Variants in CHI3L1 observed in about 807,000 individuals in gnomAD.
CHI3L1 encodes the protein chitinase-3-like protein 1.
A neutral mutation model predicts 40.7 loss-of-function variants in CHI3L1; 30 were observed. The observed-to-expected ratio is 0.74, with a 90% confidence interval of 0.55 to 1.00. The LOEUF (loss-of-function observed/expected upper bound fraction) is 1.00. Ranked by LOEUF, CHI3L1 falls within the 50% of genes least tolerant of loss-of-function variation. The probability of loss-of-function intolerance (pLI) is 0.00; values close to 1 mark genes in which losing one functional copy is unlikely to be tolerated. For synonymous variants in CHI3L1, 210 were observed against 192.1 expected (o/e 1.09, Z -0.77); for missense variants, 493 against 492.2 (o/e 1.00, Z -0.01).
rs1456023879 is a variant in CHI3L1, at chr1:203,180,553, C to T, written c.811G>A (p.Glu271Lys). Residue 271 changes from glutamate to lysine, a missense_variant, in exon 8 of 10, where the codon GAG becomes AAG. Glu to Lys is a moderately conservative substitution (Grantham distance 56). Coordinates refer to ENST00000255409, the MANE Select transcript of CHI3L1 (RefSeq NM_001276.4). ...GAGATTGGGGCTCCAACACCAGTCT[C>T]AGAAGAAGCCAGAGTGAAGCTCCTC... is the stretch of plus-strand genomic sequence containing the variant. ...FGRSFTLASS[E>K]TGVGAPISGP... 1.2e-6 allele frequency: 2 copies of T among 1,610,552 alleles called. No homozygotes were observed. The highest frequency in any genetic ancestry group is 3.4e-5 in the Admixed American group (2 of 59,082).
At chr1:203,181,621 G>A (rs1558148247) in intron 6 of CHI3L1, 1 of 193,118 alleles carries the variant, frequency 5.2e-6, no homozygotes, top group Non-Finnish European at 1.1e-5. Flanking sequence ...AAGTAAGAAA[G>A]AAAAGCTTTT....
At position 203,179,740 on chromosome 1, in the gene CHI3L1, T is replaced by C. The variant is rs141727518; in HGVS notation, c.1011+21A>G. 1,251 of 1,614,142 alleles carry C rather than the reference T, an allele frequency of 7.8e-4. 7 individuals carry two copies. The African/African-American group carries it at 0.015, about 19-fold the overall frequency. ...CTCCTTCTTTCTCTTTGTCCTGAGG[T>C]GTGGCCTTGGGGAAACCTACCTTGC... is the stretch of plus-strand genomic sequence containing the variant. On this transcript the variant is annotated intron_variant, in intron 9 of 9. Coordinates refer to ENST00000255409, the MANE Select transcript of CHI3L1 (RefSeq NM_001276.4).
intron 5 of CHI3L1, among the ~76,000 whole-genome samples, chr1:203,183,177 T>G (rs1411363406): frequency 6.6e-6 from 1 of 152,202 alleles, no homozygotes; most frequent in Admixed American, 6.5e-5. Context: ...CGGTCTGTGC[T>G]TTGTTCTAGC....
rs771065423 is a variant in CHI3L1 at position 203,179,407 on chromosome 1, G to T, written c.*38C>A. 1.3e-6 allele frequency: 2 copies of T among 1,502,408 alleles called. No individual in the cohort carries two copies. Among genetic ancestry groups the T allele is most frequent in the Non-Finnish European group, 1.8e-6 (2 of 1,121,794 alleles). 93.1% of individuals were successfully genotyped at this position (1,502,408 alleles called of 1,614,324 possible). A position where few individuals can be genotyped will look rare whatever the true frequency, so the allele number is the denominator to read the frequency against. ...GCCAGCTGGAGCCAGAGGGGGACGGGGCATCCTTGGCCCCCGTGCTGTGTG... is the reference window on the plus strand; with the variant it reads ...GCCAGCTGGAGCCAGAGGGGGACGGTGCATCCTTGGCCCCCGTGCTGTGTG... On this transcript the variant is annotated 3_prime_UTR_variant, in exon 10 of 10. Coordinates refer to ENST00000255409, the MANE Select transcript of CHI3L1 (RefSeq NM_001276.4).
chr1:203,180,215 T>C lies in CHI3L1; in HGVS notation c.894+255A>G. ...TCTTGACCTCTGCTCTTTCCTGGGC[T>C]GGAAGGAAGACCTCAGCCCCATAGC... On this transcript the variant is annotated intron_variant, in intron 8 of 9. Transcript: ENST00000255409. The C allele has an allele frequency of 5.3e-6, 3 of 565,326 alleles. No homozygotes were observed. In the East Asian group the frequency reaches 8.9e-5, roughly 17 times the overall value. 35.0% of individuals were successfully genotyped at this position (565,326 alleles called of 1,614,324 possible).
chr1:203,183,797 A>T lies in CHI3L1; in HGVS notation c.315-6T>A, dbSNP rs1201207370. ...TGGAGGCTATCTTGGAAAATCTAGGACCAAAATCAGCCCTGTAGCATGCTC... is the reference window on the plus strand; with the variant it reads ...TGGAGGCTATCTTGGAAAATCTAGGTCCAAAATCAGCCCTGTAGCATGCTC... On this transcript the variant is annotated splice_polypyrimidine_tract_variant and splice_region_variant and intron_variant, in intron 4 of 9. Coordinates refer to ENST00000255409, the MANE Select transcript of CHI3L1 (RefSeq NM_001276.4). The T allele has an allele frequency of 2.5e-6, 4 of 1,614,072 alleles. No individual in the cohort carries two copies. In the South Asian group the frequency reaches 4.4e-5, roughly 18 times the overall value.
intron 8 of CHI3L1, chr1:203,180,220 G>A (rs1571826603): frequency 1.8e-6 from 1 of 567,046 alleles, no homozygotes; most frequent in Non-Finnish European, 3.1e-6. Flanking sequence ...TGGGCTGGAA[G>A]GAAGACCTCA....
At chr1:203,180,361 A>G in intron 8 of CHI3L1, 109 bp downstream of exon 8, 1 of 1,052,678 alleles carries the variant, frequency 9.5e-7, no homozygotes, top group Non-Finnish European at 1.4e-6. Context: ...GGGCAACCGG[A>G]CATTTTCTTT....
In CHI3L1 at chr1:203,186,337, C is replaced by A; in HGVS notation, c.34G>T (p.Val12Phe). 6.3e-7 allele frequency: 1 copy of A among 1,592,702 alleles called. No homozygotes were observed. Among genetic ancestry groups the A allele is most frequent in the Admixed American group, 1.7e-5 (1 of 57,736 alleles). The change falls in exon 2 of 10, where the codon GTC becomes TTC. Residue 12 changes from valine to phenylalanine, a missense_variant. Val to Phe is a conservative substitution (Grantham distance 50). Coordinates refer to ENST00000255409, the MANE Select transcript of CHI3L1 (RefSeq NM_001276.4). The part of the protein sequence containing the change: ...GVKASQTGFV[V>F]LVLLQCCSAY... ...TCACAGCACTGGAGCAGCACCAGGA[C>A]CACAAAGCCTGAAGAGAAATCCAGG...
intron 3 of CHI3L1, 84 bp downstream of exon 3, chr1:203,185,100 C>T: frequency 8.7e-7 from 1 of 1,145,608 alleles, no homozygotes; most frequent in Non-Finnish European, 1.3e-6. Flanking sequence ...CAGGGTGGGG[C>T]CTCGCCCTTC....
rs759974987 is a variant in CHI3L1, at chr1:203,181,173, A to G, written c.700T>C (p.Phe234Leu). 6.2e-7 allele frequency: 1 copy of G among 1,614,032 alleles called. No homozygotes were observed. The highest frequency in any genetic ancestry group is 8.5e-7 in the Non-Finnish European group (1 of 1,179,946). ...TTCTGGGAACTCACAGTGTTGCTGAATCTGTCAGGACTTGCATCCTCCTGA... is the reference window on the plus strand; with the variant it reads ...TTCTGGGAACTCACAGTGTTGCTGAGTCTGTCAGGACTTGCATCCTCCTGA... ...RGQEDASPDR[F>L]SNTDYAVGYM... Residue 234 changes from phenylalanine to leucine, a missense_variant, in exon 7 of 10, where the codon TTC becomes CTC. Phe to Leu is a conservative substitution (Grantham distance 22, BLOSUM62 0). Transcript: ENST00000255409.
chr1:203,181,379 T>C (rs773137311), intron 6 of CHI3L1, 94 bp from the exon 7 acceptor site: 22 of 1,411,268 alleles, frequency 1.6e-5, no homozygotes, highest in Admixed American at 5.9e-5. Context: ...TCCCAGCACT[T>C]TGGGAGGCCG....
chr1:203,179,645 C>T, intron 9 of CHI3L1, 60 bp from the exon 10 acceptor site: 3 of 1,613,862 alleles, frequency 1.9e-6, no homozygotes, highest in Middle Eastern at 1.7e-4. Flanking sequence ...GTGTACAGGG[C>T]ACATGTGCTC....
chr1:203,185,669 T>A (rs2102211697), intron 2 of CHI3L1, among the ~76,000 whole-genome samples: 1 of 152,242 alleles, frequency 6.6e-6, no homozygotes, highest in African/African-American at 2.4e-5. Flanking sequence ...GGGTAGGAGC[T>A]GGGGAATAAG....
intron 3 of CHI3L1, 69 bp from the exon 4 acceptor site, chr1:203,184,701 G>T: frequency 7.3e-7 from 1 of 1,366,212 alleles, no homozygotes; most frequent in Non-Finnish European, 1.0e-6. Context: ...GTGGCCCCAT[G>T]TCTGAGAGGC....
intron 3 of CHI3L1, 42 bp from the exon 4 acceptor site, chr1:203,184,674 C>T: frequency 6.4e-7 from 1 of 1,559,276 alleles, no homozygotes. Flanking sequence ...AGTGGAATGA[C>T]ATTGTCATGA....
At chr1:203,184,713 A>G in intron 3 of CHI3L1, 81 bp from the exon 4 acceptor site, 3 of 1,249,124 alleles carry the variant, frequency 2.4e-6, no homozygotes, top group Admixed American at 3.4e-5. Context: ...CTGAGAGGCC[A>G]TAGAAGGTTT....
chr1:203,180,389 A>G, intron 8 of CHI3L1, 81 bp downstream of exon 8: 2 of 1,306,390 alleles, frequency 1.5e-6, no homozygotes, highest in East Asian at 2.5e-5. Flanking sequence ...AAGGAGAAAA[A>G]GCAAGAACGT....
chr1:203,185,747 C>A (rs1245611922), intron 2 of CHI3L1, among the ~76,000 whole-genome samples: 1 of 152,146 alleles, frequency 6.6e-6, no homozygotes, highest in Non-Finnish European at 1.5e-5. Flanking sequence ...GAGGGGAAGG[C>A]CCAAGATAGC....
Sources: gnomAD v4.1 joint callset for allele counts (sites outside exome capture counted in the v4.1 genomes callset) on GRCh38, gnomAD v4.1.1 for gene constraint, MANE v1.5 for transcripts, NCBI Gene and HGNC (gene_info 2026-07-23, HGNC 2026-07-21) for gene names.